Variants in PSME4 observed in about 807,000 individuals in gnomAD.
PSME4 encodes proteasome activator complex subunit 4.
A neutral mutation model predicts 253.9 loss-of-function variants in PSME4; 89 were observed. The ratio of observed to expected loss-of-function variants is 0.35; its 90% CI spans 0.30 to 0.42. The LOEUF is 0.42. Ranked by LOEUF, PSME4 falls within the 10% of genes least tolerant of loss-of-function variation. The probability of loss-of-function intolerance (pLI) is 1.00; values close to 1 mark genes in which losing one functional copy is unlikely to be tolerated. For missense variants in PSME4, 2,014 were observed against 2,195.2 expected, an observed-to-expected ratio of 0.92 and a Z score of 1.65; for synonymous variants, 851 against 759.2, an observed-to-expected ratio of 1.12 and a Z score of -1.99.
chr2:53,912,992 C>T (rs1667895338), intron 20 of PSME4, among the ~76,000 whole-genome samples: 1 of 152,150 alleles, frequency 6.6e-6, no homozygotes, highest in South Asian at 2.1e-4. Flanking sequence ...GCTATGTTAA[C>T]AATATGTAAG....
At chr2:53,932,186 G>C in intron 9 of PSME4, 86 bp from the exon 10 acceptor site, 3 of 1,274,682 alleles carry the variant, frequency 2.4e-6, no homozygotes, top group Non-Finnish European at 2.2e-6. Flanking sequence ...CTTGAGAAAA[G>C]ATTTTAAAAA....
chr2:53,908,889 A>C, intron 21 of PSME4, 49 bp from the exon 22 acceptor site: 1 of 1,369,516 alleles, frequency 7.3e-7, no homozygotes, highest in Non-Finnish European at 1.0e-6. Context: ...AATGCTCCTC[A>C]GACTTTTAAA....
chr2:53,896,745 C>G, intron 32 of PSME4, 59 bp downstream of exon 32: 2 of 1,344,508 alleles, frequency 1.5e-6, no homozygotes, highest in Non-Finnish European at 2.1e-6. Context: ...TTATACATGT[C>G]AAGAAAATTT....
chr2:53,906,117 T>C (rs1422742648), intron 26 of PSME4, among the ~76,000 whole-genome samples: 1 of 152,212 alleles, frequency 6.6e-6, no homozygotes, highest in Non-Finnish European at 1.5e-5. Flanking sequence ...TTTCTGTGCT[T>C]GCAGATAATC....
At chr2:53,967,538 A>C (rs1304227014) in intron 1 of PSME4, among the ~76,000 whole-genome samples, 1 of 148,784 alleles carries the variant, frequency 6.7e-6, no homozygotes, top group Non-Finnish European at 1.5e-5. Context: ...GCTACTCAGG[A>C]GGCTGAGGCA....
chr2:53,928,856 A>C (rs998222281), intron 10 of PSME4, among the ~76,000 whole-genome samples: 1 of 152,156 alleles, frequency 6.6e-6, no homozygotes, highest in Non-Finnish European at 1.5e-5. Flanking sequence ...CCAATTCCAC[A>C]GTGAAAAAAG....
intron 3 of PSME4, among the ~76,000 whole-genome samples, chr2:53,941,801 T>C (rs559984594): frequency 1.3e-5 from 2 of 152,252 alleles, no homozygotes; most frequent in East Asian, 3.9e-4. Context: ...TACTAATGCT[T>C]GTGTTCTCAT....
chr2:53,896,777 C>G, intron 32 of PSME4, 27 bp downstream of exon 32: 1 of 1,539,512 alleles, frequency 6.5e-7, no homozygotes, highest in Non-Finnish European at 9.0e-7. Flanking sequence ...TTGGAAAGCA[C>G]TATTAATTAC....
chr2:53,937,432 A>G lies in PSME4; in HGVS notation c.654T>C (p.Leu218=). Residue 218 remains leucine (L), a synonymous_variant, in exon 5 of 47, where the codon CTT becomes CTC. Coordinates refer to ENST00000404125, the MANE Select transcript of PSME4 (RefSeq NM_014614.3). ...GAAGTTCTGGAGGAAGGGAGGTAGGAAGAAATATTTCAAAATAAGTGATGG... is the reference window on the plus strand; with the variant it reads ...GAAGTTCTGGAGGAAGGGAGGTAGGGAGAAATATTTCAAAATAAGTGATGG... ...QKAITYFEIF[L]PTSLPPELHH... is the part of the protein sequence containing the mutation. The G allele has an allele frequency of 6.2e-7, 1 of 1,609,710 alleles. No homozygotes were observed. Among genetic ancestry groups the G allele is most frequent in the Non-Finnish European group, 8.5e-7 (1 of 1,177,302 alleles).
In PSME4 at chr2:53,970,970, G is replaced by C; in HGVS notation, c.-186C>G. 1 of 485,308 alleles carries C rather than the reference G, an allele frequency of 2.1e-6. No homozygotes were observed. The highest frequency in any genetic ancestry group is 4.3e-5 in the South Asian group (1 of 23,160). The allele number at this position is 485,308 out of a possible 1,614,324, so 30.1% of individuals were successfully genotyped here. A position where few individuals can be genotyped will look rare whatever the true frequency, so the allele number is the denominator to read the frequency against. On this transcript the variant is annotated 5_prime_UTR_variant, in exon 1 of 47. Transcript: ENST00000404125. The stretch of plus-strand genomic sequence containing the variant: ...CTGGGCCCCACGCGGCTCTCAGTTC[G>C]TTGGCGGCGGCAGCGGCCGCTCTGC...
intron 4 of PSME4, 107 bp downstream of exon 4, chr2:53,939,849 A>C (rs1669303727): frequency 1.1e-6 from 1 of 917,512 alleles, no homozygotes; most frequent in Non-Finnish European, 1.6e-6. Context: ...CTAACATCAC[A>C]ATGTCAGGAA....
intron 19 of PSME4, among the ~76,000 whole-genome samples, 165 bp from the exon 20 acceptor site, chr2:53,919,411 T>C (rs1164963069): frequency 6.6e-6 from 1 of 152,204 alleles, no homozygotes; most frequent in Non-Finnish European, 1.5e-5. Context: ...ATTAAATATA[T>C]ATTTATTGCT....
Position 53,900,028 on chromosome 2 carries a change from AG to A in PSME4, c.3286-12del, listed in dbSNP as rs1680323074. The A allele has an allele frequency of 6.2e-7, 1 of 1,606,916 alleles. No individual in the cohort carries two copies. The highest frequency in any genetic ancestry group is 1.3e-5 in the African/African-American group (1 of 74,278). ...ACATGACTTTGGAATCTTGTTAAAA[AG>A]AAAAAAGCAGGAAAAAAAATGAAGT... On this transcript the variant is annotated splice_polypyrimidine_tract_variant and intron_variant, in intron 28 of 46. Coordinates refer to ENST00000404125, the MANE Select transcript of PSME4 (RefSeq NM_014614.3).
At chr2:53,965,583 G>A (rs1300610569) in intron 1 of PSME4, among the ~76,000 whole-genome samples, 1 of 151,658 alleles carries the variant, frequency 6.6e-6, no homozygotes, top group Non-Finnish European at 1.5e-5. Flanking sequence ...CTACTATCAA[G>A]GAAGTATTTT....
intron 6 of PSME4, 152 bp from the exon 7 acceptor site, chr2:53,936,313 A>G (rs938887777): frequency 8.9e-6 from 11 of 1,232,838 alleles, no homozygotes; most frequent in Non-Finnish European, 1.0e-5. Context: ...TAAAACCTCC[A>G]AATTTAAATT....
chr2:53,872,897 A>C (rs558715014), intron 43 of PSME4, among the ~76,000 whole-genome samples: 1 of 66,054 alleles, frequency 1.5e-5, no homozygotes, highest in East Asian at 6.4e-4. Context: ...ATAAGAAATT[A>C]AAAAAAAAAA....
intron 29 of PSME4, among the ~76,000 whole-genome samples, chr2:53,899,171 C>A (rs1680276041): frequency 6.6e-6 from 1 of 151,992 alleles, no homozygotes; most frequent in Non-Finnish European, 1.5e-5. Context: ...TTCAAGCGAT[C>A]CTCCCACCTT....
At chr2:53,941,142 C>T (rs879227664) in intron 3 of PSME4, among the ~76,000 whole-genome samples, 2 of 145,020 alleles carry the variant, frequency 1.4e-5, no homozygotes, top group Admixed American at 1.4e-4. Context: ...TAACAGAGAG[C>T]AAACTCATCA....
chr2:53,901,541 G>A lies in PSME4; in HGVS notation c.3094C>T (p.Leu1032Phe). The change falls in exon 28 of 47, where the codon CTT becomes TTT. Residue 1032 changes from leucine to phenylalanine, a missense_variant. Around this residue, in one of 4 missense-constraint regions of PSME4, gnomAD observed 989 missense variants for 1,021.1 expected, o/e 0.97. Transcript: ENST00000404125. ...AAGCACACACCACTGTGATTTCCAA[G>A]GAGACAGTACAAGGCACCCTGCAGA... ...QQFKGALYCL[L>F]GNHSGVCLAN... The A allele has an allele frequency of 3.1e-6, 5 of 1,612,264 alleles. No homozygotes were observed. Among genetic ancestry groups the A allele is most frequent in the Non-Finnish European group, 4.2e-6 (5 of 1,178,670 alleles).
Sources: allele counts gnomAD v4.1 joint callset (sites outside exome capture counted in the v4.1 genomes callset), GRCh38; gene constraint gnomAD v4.1.1; regional missense constraint gnomAD v4.1.1; transcripts MANE v1.5; gene names NCBI Gene and HGNC (gene_info 2026-07-23, HGNC 2026-07-21).